The following CTNND2 variants were observed in gnomAD, a reference collection of about 807,000 sequenced individuals.
The protein encoded by CTNND2 is catenin delta 2.
In CTNND2, 22 loss-of-function variants were observed where a neutral mutation model predicts 144.4. The observed-to-expected ratio is 0.15, with a 90% confidence interval of 0.11 to 0.22. The LOEUF (loss-of-function observed/expected upper bound fraction) is 0.22. Ranked by LOEUF, CTNND2 falls within the 10% of genes least tolerant of loss-of-function variation. The probability of loss-of-function intolerance (pLI) is 1.00; values close to 1 mark genes in which losing one functional copy is unlikely to be tolerated. For synonymous variants in CTNND2, 751 were observed against 695.6 expected (o/e 1.08, Z -1.25); for missense variants, 1,353 against 1,618.8 (o/e 0.84, Z 2.82).
intron 1 of CTNND2, among the ~76,000 whole-genome samples, chr5:11,799,455 G>A (rs755201774): frequency 7.2e-5 from 11 of 151,960 alleles, no homozygotes; most frequent in Non-Finnish European, 1.3e-4. Flanking sequence ...TCTTCCTCCC[G>A]TTGAGATGTG....
chr5:11,534,529 C>T (rs746372468), intron 3 of CTNND2, among the ~76,000 whole-genome samples: 49 of 151,988 alleles, frequency 3.2e-4, no homozygotes, highest in African/African-American at 1.1e-3. Context: ...CGCTTGAACC[C>T]GGGAGGTGGA....
intron 2 of CTNND2, among the ~76,000 whole-genome samples, chr5:11,624,023 C>G (rs1456190049): frequency 6.6e-6 from 1 of 151,390 alleles, no homozygotes; most frequent in East Asian, 1.9e-4. Flanking sequence ...AACTTGACAC[C>G]TGACCATATA....
At chr5:11,224,930 G>C (rs1740171292) in intron 10 of CTNND2, among the ~76,000 whole-genome samples, 1 of 151,812 alleles carries the variant, frequency 6.6e-6, no homozygotes, top group Non-Finnish European at 1.5e-5. Context: ...ATTACAAGAG[G>C]CTACTGTAGG....
In CTNND2 at chr5:10,972,679, T is replaced by C. The variant is rs956383038; in HGVS notation, c.*774A>G. 3 of 152,664 alleles carry C rather than the reference T, an allele frequency of 2.0e-5. No homozygotes were observed. Among genetic ancestry groups the C allele is most frequent in the Non-Finnish European group, 2.9e-5 (2 of 68,036 alleles). The allele number at this position is 152,664 out of a possible 1,614,324, so 9.5% of individuals were successfully genotyped here. On this transcript the variant is annotated 3_prime_UTR_variant, in exon 22 of 22. Coordinates refer to ENST00000304623, the MANE Select transcript of CTNND2 (RefSeq NM_001332.4). ...TTGACAAGGAGTGTGGAATGATGTA[T>C]GTTAATTGTCAGAAACTGCTGAATG...
intron 2 of CTNND2, among the ~76,000 whole-genome samples, chr5:11,565,420 T>C (rs1372008103): frequency 6.6e-6 from 1 of 152,242 alleles, no homozygotes; most frequent in Non-Finnish European, 1.5e-5. Flanking sequence ...AAGTATAGCA[T>C]TTAATGAGAA....
intron 3 of CTNND2, among the ~76,000 whole-genome samples, chr5:11,454,555 C>T (rs971125513): frequency 6.6e-6 from 1 of 151,820 alleles, no homozygotes; most frequent in East Asian, 1.9e-4. Context: ...TATGCACTCA[C>T]AAGACATAAT....
chr5:11,696,617 G>A lies in CTNND2; in HGVS notation c.174+35519C>T, dbSNP rs149043468. 2.1e-4 allele frequency among the ~76,000 whole-genome samples: 32 copies of A among 152,266 alleles called. 1 individual carries two copies. Among genetic ancestry groups the A allele is most frequent in the African/African-American group, 7.2e-4 (30 of 41,548 alleles). On this transcript the variant is annotated intron_variant, in intron 2 of 21. Transcript: ENST00000304623. Reference sequence around the variant, plus strand: ...CATGGGTGACATTAATGGCTTGTTAGCATAATGTAGATGTAAGAAATGAGC... The same window carrying A: ...CATGGGTGACATTAATGGCTTGTTAACATAATGTAGATGTAAGAAATGAGC...
intron 3 of CTNND2, among the ~76,000 whole-genome samples, chr5:11,551,487 A>G (rs1775764377): frequency 1.6e-5 from 2 of 128,872 alleles, no homozygotes; most frequent in South Asian, 2.4e-4. Context: ...CCCAGGCTGG[A>G]GTGCAGTGGT....
At chr5:11,888,355 C>G (rs1305079145) in intron 1 of CTNND2, among the ~76,000 whole-genome samples, 1 of 152,138 alleles carries the variant, frequency 6.6e-6, no homozygotes. Flanking sequence ...AGAGTGACTG[C>G]GTGCACCCCA....
At chr5:11,495,278 G>A (rs969291329) in intron 3 of CTNND2, among the ~76,000 whole-genome samples, 1 of 152,126 alleles carries the variant, frequency 6.6e-6, no homozygotes, top group African/African-American at 2.4e-5. Flanking sequence ...AGAAAGATTA[G>A]TAATCATTTA....
intron 1 of CTNND2, among the ~76,000 whole-genome samples, chr5:11,824,237 C>T (rs902877918): frequency 4.6e-5 from 7 of 152,156 alleles, no homozygotes; most frequent in South Asian, 2.1e-4. Flanking sequence ...ACATAAATAC[C>T]GCATTGGCCA....
chr5:11,850,981 C>G (rs1342975723), intron 1 of CTNND2, among the ~76,000 whole-genome samples: 4 of 152,144 alleles, frequency 2.6e-5, no homozygotes, highest in Non-Finnish European at 4.4e-5. Flanking sequence ...AAGCAGATCA[C>G]CAGCCATCAT....
intron 3 of CTNND2, among the ~76,000 whole-genome samples, chr5:11,526,204 T>C (rs1348340666): frequency 2.0e-5 from 3 of 152,164 alleles, no homozygotes; most frequent in Non-Finnish European, 4.4e-5. Context: ...GCCCGGTCTA[T>C]CTTACTTGTT....
intron 1 of CTNND2, among the ~76,000 whole-genome samples, chr5:11,842,102 C>T (rs1475119765): frequency 6.6e-6 from 1 of 150,402 alleles, no homozygotes; most frequent in African/African-American, 2.4e-5. Flanking sequence ...AATTATTTAC[C>T]ACACAAATTC....
chr5:11,415,690 T>C (rs1382102871), intron 3 of CTNND2, among the ~76,000 whole-genome samples: 1 of 152,142 alleles, frequency 6.6e-6, no homozygotes, highest in African/African-American at 2.4e-5. Flanking sequence ...TTAAGTGATA[T>C]GAGTGAGGGT....
intron 9 of CTNND2, among the ~76,000 whole-genome samples, chr5:11,287,277 T>C (rs1447341989): frequency 1.3e-5 from 2 of 152,152 alleles, no homozygotes; most frequent in Non-Finnish European, 1.5e-5. Flanking sequence ...ATGGGCCTCA[T>C]CCAATCAGTT....
chr5:11,179,746 G>A (rs539816098), intron 11 of CTNND2, among the ~76,000 whole-genome samples: 23 of 152,150 alleles, frequency 1.5e-4, no homozygotes, highest in African/African-American at 4.8e-4. Context: ...AGATAACCCT[G>A]GATATTATAT....
chr5:11,428,839 T>C (rs1447895897), intron 3 of CTNND2, among the ~76,000 whole-genome samples: 1 of 152,240 alleles, frequency 6.6e-6, no homozygotes, highest in African/African-American at 2.4e-5. Flanking sequence ...TTGATTTGTA[T>C]AACCTCATTT....
At chr5:11,001,402 G>C (rs1055570141) in intron 18 of CTNND2, among the ~76,000 whole-genome samples, 3 of 152,096 alleles carry the variant, frequency 2.0e-5, no homozygotes, top group Non-Finnish European at 2.9e-5. Context: ...AGCAATGCAG[G>C]CTGTCTCCCT....
Sources: allele counts gnomAD v4.1 joint callset (sites outside exome capture counted in the v4.1 genomes callset), GRCh38; gene constraint gnomAD v4.1.1; transcripts MANE v1.5; gene names NCBI Gene and HGNC (gene_info 2026-07-23, HGNC 2026-07-21).